APP: variants seen among roughly 807,000 people sequenced by gnomAD.
APP encodes the protein amyloid beta precursor protein.
A neutral mutation model predicts 101.4 loss-of-function variants in APP; 31 were observed. That is an observed-to-expected ratio of 0.31 (90% CI 0.23 to 0.41). The LOEUF is 0.41. Among genes scored for constraint, APP ranks in the 10% least tolerant of loss-of-function variants. The pLI, the probability that APP is intolerant of heterozygous loss-of-function variation, is 1.00. For missense variants in APP, 839 were observed against 1,003.7 expected, an observed-to-expected ratio of 0.84 and a Z score of 2.22; for synonymous variants, 366 against 364.4, an observed-to-expected ratio of 1.00 and a Z score of -0.05.
intron 11 of APP, among the ~76,000 whole-genome samples, chr21:25,970,647 T>C (rs1245996823): frequency 6.6e-6 from 1 of 152,200 alleles, no homozygotes; most frequent in African/African-American, 2.4e-5. Flanking sequence ...TGAATATTCT[T>C]TTTCAAAAGC....
intron 5 of APP, among the ~76,000 whole-genome samples, chr21:26,040,032 T>A (rs1012837372): frequency 9.2e-5 from 14 of 152,162 alleles, no homozygotes; most frequent in Admixed American, 3.3e-4. Context: ...ACATATAAGA[T>A]ATGTTGGAGA....
chr21:25,881,080 G>T lies in APP; in HGVS notation c.*590C>A, dbSNP rs45455403. 1,316 of 156,406 alleles carry T rather than the reference G, an allele frequency of 8.4e-3. 21 individuals carry two copies. Among genetic ancestry groups the T allele is most frequent in the African/African-American group, 0.03 (1,266 of 41,554 alleles). The allele number at this position is 156,406 out of a possible 1,614,324, so 9.7% of individuals were successfully genotyped here. A position where few individuals can be genotyped will look rare whatever the true frequency, so the allele number is the denominator to read the frequency against. ...ATAAAACAGGCACGAAGAAACAAAC[G>T]TGTGTATCCTCTTAATTCCTATATC... is the stretch of plus-strand genomic sequence containing the variant. On this transcript the variant is annotated 3_prime_UTR_variant, in exon 18 of 18. Coordinates refer to ENST00000346798, the MANE Select transcript of APP (RefSeq NM_000484.4).
chr21:26,105,341 G>A (rs948340800), intron 2 of APP, among the ~76,000 whole-genome samples: 1 of 152,116 alleles, frequency 6.6e-6, no homozygotes, highest in Admixed American at 6.5e-5. Flanking sequence ...GTTAAAGACA[G>A]ACCCTATGAA....
chr21:26,044,202 G>C (rs138456780), intron 5 of APP, among the ~76,000 whole-genome samples: 2 of 152,300 alleles, frequency 1.3e-5, no homozygotes, highest in African/African-American at 4.8e-5. Flanking sequence ...TGAGGCATGA[G>C]GATCACTTGA....
chr21:26,025,980 T>C (rs764128497), intron 5 of APP, among the ~76,000 whole-genome samples: 6 of 152,218 alleles, frequency 3.9e-5, no homozygotes, highest in African/African-American at 7.2e-5. Context: ...GCAGTTTTCA[T>C]GAACAGCTAG....
rs1484500619 is a variant in APP at position 26,127,311 on chromosome 21, TAGGTAA to T, written c.58-15171_58-15166del. On this transcript the variant is annotated intron_variant, in intron 1 of 17. Coordinates refer to ENST00000346798, the MANE Select transcript of APP (RefSeq NM_000484.4). ...AAGCAAGCCAGTCAGAATCTCTCTG[TAGGTAA>T]AGACTTTCAAATTCTAGCCAATCAT... is the stretch of plus-strand genomic sequence containing the variant. 4.6e-5 allele frequency among the ~76,000 whole-genome samples: 7 copies of T among 152,278 alleles called. No homozygotes were observed. The East Asian group carries it at 1.4e-3, about 29-fold the overall frequency.
intron 3 of APP, among the ~76,000 whole-genome samples, chr21:26,058,885 T>C (rs972242035): frequency 1.3e-5 from 2 of 151,924 alleles, no homozygotes; most frequent in Admixed American, 6.6e-5. Context: ...ATCGAGACCA[T>C]CCTGGCTAAC....
chr21:25,983,608 G>C (rs1466079554), intron 8 of APP, among the ~76,000 whole-genome samples: 1 of 152,194 alleles, frequency 6.6e-6, no homozygotes, highest in African/African-American at 2.4e-5. Flanking sequence ...AAACCGGAAG[G>C]CTGTTAAATA....
At chr21:25,897,014 C>A (rs2038095243) in intron 16 of APP, among the ~76,000 whole-genome samples, 1 of 152,186 alleles carries the variant, frequency 6.6e-6, no homozygotes, top group Admixed American at 6.5e-5. Flanking sequence ...TCCCAGAAAA[C>A]ACAGTGGAAG....
At chr21:25,918,471 G>A (rs886900606) in intron 13 of APP, among the ~76,000 whole-genome samples, 17 of 152,076 alleles carry the variant, frequency 1.1e-4, no homozygotes, top group African/African-American at 2.7e-4. Context: ...CTGAGATACC[G>A]GGTTCATCTC....
chr21:26,055,572 T>C (rs1055965077), intron 3 of APP, among the ~76,000 whole-genome samples: 8 of 152,206 alleles, frequency 5.3e-5, no homozygotes, highest in African/African-American at 1.9e-4. Context: ...TAACCCTAGC[T>C]GCTTGGAAGA....
At chr21:25,895,730 G>A (rs1375202665) in intron 16 of APP, among the ~76,000 whole-genome samples, 1 of 152,098 alleles carries the variant, frequency 6.6e-6, no homozygotes, top group Non-Finnish European at 1.5e-5. Context: ...ATGAGAAATT[G>A]TTCATAATTA....
chr21:25,911,902 T>A lies in APP; in HGVS notation c.1748A>T (p.Glu583Val). 6.2e-7 allele frequency: 1 copy of A among 1,614,198 alleles called. No homozygotes were observed. The highest frequency in any genetic ancestry group is 8.5e-7 in the Non-Finnish European group (1 of 1,180,032). The change falls in exon 14 of 18, where the codon GAA becomes GTA. Residue 583 changes from glutamate (E) to valine (V), a missense_variant. By Grantham distance (121) the Glu-to-Val change is moderately radical. Coordinates refer to ENST00000346798, the MANE Select transcript of APP (RefSeq NM_000484.4). Reference sequence around the variant, plus strand: ...ATCGTTTCCGTAACTGATCCTTGGTTCACTAATCATGTTGGCCAAGACGTC... The same window carrying A: ...ATCGTTTCCGTAACTGATCCTTGGTACACTAATCATGTTGGCCAAGACGTC... ...SDDVLANMIS[E>V]PRISYGNDAL...
At position 26,054,674 on chromosome 21, in the gene APP, T is replaced by C. The variant is rs2045972816; in HGVS notation, c.356-1326A>G. On this transcript the variant is annotated intron_variant, in intron 3 of 17. Transcript: ENST00000346798. The stretch of plus-strand genomic sequence containing the variant: ...ATAGACTCTATAATTAAGTGAAGGA[T>C]AGATCAGCATAGTGAAACCATGAAA... Among the ~76,000 whole-genome samples the C allele has an allele frequency of 2.1e-5, 3 of 141,054 alleles. No homozygotes were observed. The South Asian group carries it at 6.7e-4, about 32-fold the overall frequency. The allele number at this position is 141,054 out of a possible 152,430, so 92.5% of individuals were successfully genotyped here.
In APP at chr21:25,881,124, G is replaced by A. The variant is rs2036959829; in HGVS notation, c.*546C>T. On this transcript the variant is annotated 3_prime_UTR_variant, in exon 18 of 18. Coordinates refer to ENST00000346798, the MANE Select transcript of APP (RefSeq NM_000484.4). ...CTATATCACAAATATAGCAGAAGCA[G>A]CAATCTGTACAGTAAAATGCAGTCA... The A allele has an allele frequency of 6.2e-6, 1 of 162,178 alleles. No homozygotes were observed. Among genetic ancestry groups the A allele is most frequent in the Non-Finnish European group, 1.4e-5 (1 of 73,230 alleles). 10.0% of individuals were successfully genotyped at this position (162,178 alleles called of 1,614,324 possible).
At chr21:26,064,708 T>C (rs1478882282) in intron 3 of APP, among the ~76,000 whole-genome samples, 1 of 152,182 alleles carries the variant, frequency 6.6e-6, no homozygotes, top group African/African-American at 2.4e-5. Context: ...AACTTCCACT[T>C]AACTCATAAC....
chr21:26,158,802 C>T (rs538421237), intron 1 of APP, among the ~76,000 whole-genome samples: 1 of 152,332 alleles, frequency 6.6e-6, no homozygotes, highest in South Asian at 2.1e-4. Flanking sequence ...CTTCACACAT[C>T]CTTGAAACCT....
At chr21:25,998,161 A>G (rs779850732) in intron 7 of APP, among the ~76,000 whole-genome samples, 3 of 152,224 alleles carry the variant, frequency 2.0e-5, no homozygotes, top group Admixed American at 2.0e-4. Flanking sequence ...GATATTTCAG[A>G]AAATGAATCC....
chr21:26,001,913 G>T (rs2043314199), intron 6 of APP, among the ~76,000 whole-genome samples: 2 of 16,296 alleles, frequency 1.2e-4, no homozygotes, highest in African/African-American at 2.3e-4. Flanking sequence ...AGGGGATATG[G>T]TCCCTAGACC....
Sources: allele counts gnomAD v4.1 joint callset (sites outside exome capture counted in the v4.1 genomes callset), GRCh38; gene constraint gnomAD v4.1.1; transcripts MANE v1.5; gene names NCBI Gene and HGNC (gene_info 2026-07-23, HGNC 2026-07-21).